Variants in SYT9 observed in about 807,000 individuals in gnomAD.
The protein encoded by SYT9 is synaptotagmin-9.
Under a neutral mutation model 48.4 loss-of-function variants are expected in SYT9, and 22 were observed. The observed-to-expected ratio is 0.45, with a 90% CI of 0.32 to 0.65. SYT9 has a LOEUF of 0.65. SYT9 is among the 30% of genes least tolerant of loss of function. The pLI, the probability that SYT9 is intolerant of heterozygous loss-of-function variation, is 0.03. For missense variants in SYT9, 577 were observed against 622.0 expected (o/e 0.93, Z 0.77); for synonymous variants, 265 against 245.0 (o/e 1.08, Z -0.76).
chr11:7,270,077 CATTA>C (rs1448020938), intron 1 of SYT9, among the ~76,000 whole-genome samples: 3 of 152,086 alleles, frequency 2.0e-5, no homozygotes, highest in Non-Finnish European at 2.9e-5. Context: ...TGCTGAAATA[CATTA>C]ATTAGTAAGA....
At position 7,378,624 on chromosome 11, in the gene SYT9, A is replaced by G. The variant is rs563411885; in HGVS notation, c.1045-37418A>G. Among the ~76,000 whole-genome samples, 3 of 152,172 alleles carry G rather than the reference A, an allele frequency of 2.0e-5. No individual in the cohort carries two copies. In the East Asian group the frequency reaches 5.8e-4, roughly 29 times the overall value. ...CTCCTCTCCAGGGAAACATTTAAAA[A>G]AAAAAAAGAAAAAAAATCCTATGTC... On this transcript the variant is annotated intron_variant, in intron 3 of 6. Transcript: ENST00000318881.
chr11:7,265,668 CTTTTT>C (rs386353084), intron 1 of SYT9, among the ~76,000 whole-genome samples: 1 of 145,028 alleles, frequency 6.9e-6, no homozygotes, highest in Non-Finnish European at 1.5e-5. Flanking sequence ...ATCATGGATT[CTTTTT>C]TTTTTTTTTT....
At chr11:7,265,162 G>C (rs1848154918) in intron 1 of SYT9, among the ~76,000 whole-genome samples, 1 of 152,124 alleles carries the variant, frequency 6.6e-6, no homozygotes, top group African/African-American at 2.4e-5. Flanking sequence ...TGCCTGGAAA[G>C]ATGTGCTTAT....
intron 1 of SYT9, among the ~76,000 whole-genome samples, chr11:7,253,912 C>A (rs987828017): frequency 6.6e-6 from 1 of 152,220 alleles, no homozygotes; most frequent in Non-Finnish European, 1.5e-5. Context: ...AAACATCTCA[C>A]TTCCTTGCCT....
chr11:7,428,064 G>C (rs889564702), intron 6 of SYT9: 1 of 152,194 alleles, frequency 6.6e-6, no homozygotes, highest in African/African-American at 2.4e-5. Flanking sequence ...AAAAGAGAGA[G>C]AGACGGTAGG....
intron 2 of SYT9, among the ~76,000 whole-genome samples, chr11:7,308,850 G>C (rs980424315): frequency 1.3e-5 from 2 of 152,138 alleles, no homozygotes; most frequent in Non-Finnish European, 2.9e-5. Context: ...CTTAAGATCT[G>C]ATCGACATAG....
chr11:7,359,806 G>C (rs1221813281), intron 3 of SYT9, among the ~76,000 whole-genome samples: 8 of 150,650 alleles, frequency 5.3e-5, no homozygotes, highest in African/African-American at 1.9e-4. Context: ...TAGGTTGCCT[G>C]TTCACTCTGA....
chr11:7,262,792 G>A (rs962441914), intron 1 of SYT9, among the ~76,000 whole-genome samples: 1 of 152,136 alleles, frequency 6.6e-6, no homozygotes, highest in Admixed American at 6.5e-5. Context: ...GATTGGCATG[G>A]CTGTAAAAGA....
chr11:7,391,735 T>TTAAAAAA (rs1447561624), intron 3 of SYT9, among the ~76,000 whole-genome samples: 1 of 35,940 alleles, frequency 2.8e-5, no homozygotes, highest in African/African-American at 9.3e-5. Context: ...ACCCCATCTC[T>TTAAAAAA]AAAAAAAAAA....
intron 3 of SYT9, among the ~76,000 whole-genome samples, chr11:7,384,906 C>A (rs1182436258): frequency 6.6e-6 from 1 of 152,088 alleles, no homozygotes; most frequent in African/African-American, 2.4e-5. Flanking sequence ...GGCATCTGTG[C>A]TTGCTCCTCT....
intron 3 of SYT9, among the ~76,000 whole-genome samples, chr11:7,379,785 C>T (rs1469040725): frequency 6.6e-6 from 1 of 152,002 alleles, no homozygotes; most frequent in Non-Finnish European, 1.5e-5. Context: ...AAAAGGCAGG[C>T]AATAACAAAT....
At chr11:7,410,715 C>T (rs1847120817) in intron 3 of SYT9, among the ~76,000 whole-genome samples, 1 of 152,036 alleles carries the variant, frequency 6.6e-6, no homozygotes, top group African/African-American at 2.4e-5. Flanking sequence ...TTTTGCATCC[C>T]TTTACTTTGG....
At chr11:7,288,558 T>A (rs190553872) in intron 1 of SYT9, among the ~76,000 whole-genome samples, 2 of 152,200 alleles carry the variant, frequency 1.3e-5, no homozygotes, top group African/African-American at 2.4e-5. Flanking sequence ...TCCTACTACT[T>A]CTTTTGTTTT....
intron 2 of SYT9, among the ~76,000 whole-genome samples, chr11:7,309,678 A>G (rs1589933630): frequency 6.6e-6 from 1 of 152,072 alleles, no homozygotes; most frequent in Non-Finnish European, 1.5e-5. Flanking sequence ...TGAGTAGCCT[A>G]TGAGAACTAT....
chr11:7,362,612 G>A (rs1850164036), intron 3 of SYT9, among the ~76,000 whole-genome samples: 1 of 152,068 alleles, frequency 6.6e-6, no homozygotes, highest in Admixed American at 6.5e-5. Flanking sequence ...AAATTGGTAG[G>A]GTATGCCATA....
At chr11:7,271,133 A>C (rs554219920) in intron 1 of SYT9, among the ~76,000 whole-genome samples, 1 of 152,154 alleles carries the variant, frequency 6.6e-6, no homozygotes, top group African/African-American at 2.4e-5. Flanking sequence ...TTATTGTTAT[A>C]GAAGTTTGGG....
chr11:7,453,593 T>C (rs1427186008), intron 6 of SYT9, among the ~76,000 whole-genome samples: 3 of 152,200 alleles, frequency 2.0e-5, no homozygotes, highest in African/African-American at 7.2e-5. Flanking sequence ...AGCTGGACGA[T>C]GCAAATACAA....
At chr11:7,251,099 G>GACACACACACACACACACACAC (rs369736479), upstream of SYT9, among the ~76,000 whole-genome samples, 7 of 131,900 alleles carry the variant, frequency 5.3e-5, no homozygotes, top group East Asian at 4.2e-4. Flanking sequence ...GTGGCACAGT[G>GACACACACACACACACACACAC]ACACACACAC....
At chr11:7,246,681 A>C (rs1223216701) in intron 1 of SYT9, among the ~76,000 whole-genome samples, 1 of 152,200 alleles carries the variant, frequency 6.6e-6, no homozygotes, top group East Asian at 1.9e-4. Flanking sequence ...GGTTGCTCCC[A>C]AACTCTATGA....
Sources: allele counts gnomAD v4.1 joint callset (sites outside exome capture counted in the v4.1 genomes callset), GRCh38; gene constraint gnomAD v4.1.1; transcripts MANE v1.5; gene names NCBI Gene and HGNC (gene_info 2026-07-23, HGNC 2026-07-21).